Variants in PTPN4 observed in about 807,000 individuals in gnomAD.
The protein encoded by PTPN4 is protein tyrosine phosphatase non-receptor type 4, also known as tyrosine-protein phosphatase non-receptor type 4.
A neutral mutation model predicts 135.5 loss-of-function variants in PTPN4; 49 were observed. The ratio of observed to expected loss-of-function variants is 0.36; its 90% CI spans 0.29 to 0.46. The LOEUF (loss-of-function observed/expected upper bound fraction) is 0.46. Among genes scored for constraint, PTPN4 ranks in the 20% least tolerant of loss-of-function variants. PTPN4 has a pLI of 1.00. For missense variants in PTPN4, 860 were observed against 1,101.0 expected (o/e 0.78, Z 3.10); for synonymous variants, 333 against 369.9 (o/e 0.90, Z 1.14).
chr2:119,946,452 T>C (rs1274830571), intron 17 of PTPN4, 28 bp downstream of exon 17: 1 of 1,591,130 alleles, frequency 6.3e-7, no homozygotes, highest in South Asian at 1.1e-5. Flanking sequence ...TTATACTCAG[T>C]TTTTAAATTA....
chr2:119,873,564 C>T lies in PTPN4; in HGVS notation c.247-3759C>T, dbSNP rs541412954. 1.8e-4 allele frequency among the ~76,000 whole-genome samples: 27 copies of T among 152,132 alleles called. No individual in the cohort carries two copies. The South Asian group carries it at 4.8e-3, about 27-fold the overall frequency. On this transcript the variant is annotated intron_variant, in intron 3 of 26. Coordinates refer to ENST00000263708, the MANE Select transcript of PTPN4 (RefSeq NM_002830.4). ...TAGAAACCATGAGTCATCAGGTAAC[C>T]GATTAGCAATGTCTAATCGCTTTGA...
rs70949378 is a variant in PTPN4, at chr2:119,973,655, G to GTTTTTTTTTTTTTTTT, written c.2695-3317_2695-3302dup. Among the ~76,000 whole-genome samples the GTTTTTTTTTTTTTTTT allele has an allele frequency of 1.6e-3, 62 of 38,392 alleles. 14 individuals are homozygous for GTTTTTTTTTTTTTTTT. The highest frequency in any genetic ancestry group is 4.4e-3 in the East Asian group (4 of 910). 25.2% of individuals were successfully genotyped at this position (38,392 alleles called of 152,430 possible). A position where few individuals can be genotyped will look rare whatever the true frequency, so the allele number is the denominator to read the frequency against. The stretch of plus-strand genomic sequence containing the variant: ...TTGAAAGCTTCCTCCTTCATTTCTT[G>GTTTTTTTTTTTTTTTT]TTTTTTTTTTTTTTTTTTTTTTTTT... On this transcript the variant is annotated intron_variant, in intron 26 of 26. Coordinates refer to ENST00000263708, the MANE Select transcript of PTPN4 (RefSeq NM_002830.4).
intron 26 of PTPN4, among the ~76,000 whole-genome samples, chr2:119,969,552 CTTTTTTTTTTTT>C (rs35531556): frequency 7.8e-4 from 89 of 113,876 alleles, no homozygotes; most frequent in Non-Finnish European, 1.3e-3. Flanking sequence ...TAATCAATTT[CTTTTTTTTTTTT>C]TTTTTTTTTT....
intron 1 of PTPN4, among the ~76,000 whole-genome samples, chr2:119,798,605 T>G (rs891163003): frequency 6.6e-6 from 1 of 152,194 alleles, no homozygotes; most frequent in East Asian, 1.9e-4. Flanking sequence ...CTCCAGAAAT[T>G]AAGAATTACT....
At chr2:119,900,848 AC>A in intron 10 of PTPN4, 42 bp downstream of exon 10, 1 of 1,149,952 alleles carries the variant, frequency 8.7e-7, no homozygotes, top group East Asian at 2.5e-5. Flanking sequence ...CCACTGTATT[AC>A]TAAATATAAT....
At chr2:119,827,647 A>G (rs1025718030) in intron 2 of PTPN4, among the ~76,000 whole-genome samples, 5 of 152,218 alleles carry the variant, frequency 3.3e-5, no homozygotes, top group Admixed American at 6.5e-5. Context: ...TCGAGATAAT[A>G]GAATATTACC....
chr2:119,842,096 A>T (rs535005270), intron 2 of PTPN4, among the ~76,000 whole-genome samples: 1 of 152,338 alleles, frequency 6.6e-6, no homozygotes, highest in African/African-American at 2.4e-5. Context: ...GTAGATTTTA[A>T]TCTGTTATGC....
intron 15 of PTPN4, among the ~76,000 whole-genome samples, chr2:119,936,373 C>G (rs1447975269): frequency 2.0e-5 from 3 of 152,112 alleles, no homozygotes; most frequent in Non-Finnish European, 4.4e-5. Context: ...GTGTCCTCAC[C>G]CAGATCTCAC....
rs34265631 is a variant in PTPN4 at position 119,760,017 on chromosome 2, C to T, written c.-385C>T. 0.67 allele frequency: 257,191 copies of T among 381,314 alleles called. 89,443 individuals are homozygous for T. The highest frequency in any genetic ancestry group is 0.84 in the East Asian group (22,204 of 26,566). The allele number at this position is 381,314 out of a possible 1,614,324, so 23.6% of individuals were successfully genotyped here. A position where few individuals can be genotyped will look rare whatever the true frequency, so the allele number is the denominator to read the frequency against. ...TCTCAGGACTCCTGGGTCCCAGGGG[C>T]CGGAATTGGGCCTGAGCGGGAGAGG... On this transcript the variant is annotated 5_prime_UTR_variant, in exon 1 of 27. Transcript: ENST00000263708.
At chr2:119,967,800 G>C in intron 25 of PTPN4, 37 bp from the exon 26 acceptor site, 1 of 1,522,832 alleles carries the variant, frequency 6.6e-7, no homozygotes, top group Non-Finnish European at 8.9e-7. Flanking sequence ...TAACAGAATA[G>C]TATCGGTAAG....
Position 119,893,889 on chromosome 2 carries a change from G to A in PTPN4, c.676-6829G>A, listed in dbSNP as rs1045528394. The stretch of plus-strand genomic sequence containing the variant: ...TTGGAGGTGCAGTGATGGCCAAAGA[G>A]TGATGAGAGAATATGAAAAAAAAAA... On this transcript the variant is annotated intron_variant, in intron 9 of 26. Transcript: ENST00000263708. 2.6e-5 allele frequency among the ~76,000 whole-genome samples: 4 copies of A among 151,930 alleles called. No homozygotes were observed. In the East Asian group the frequency reaches 5.8e-4, roughly 22 times the overall value.
intron 1 of PTPN4, among the ~76,000 whole-genome samples, chr2:119,779,015 G>A (rs1005473848): frequency 2.0e-5 from 3 of 152,168 alleles, no homozygotes; most frequent in African/African-American, 7.2e-5. Flanking sequence ...TAAGTACAGA[G>A]AGAGAAATTT....
rs186052236 is a variant in PTPN4 at position 119,905,696 on chromosome 2, A to G, written c.764+4890A>G. On this transcript the variant is annotated intron_variant, in intron 10 of 26. Transcript: ENST00000263708. ...CCTCAGCACGTGAAACACTCTTCAGAAAAGACCATATGTTAGGCCACAAAA... is the reference window on the plus strand; with the variant it reads ...CCTCAGCACGTGAAACACTCTTCAGGAAAGACCATATGTTAGGCCACAAAA... Among the ~76,000 whole-genome samples the G allele has an allele frequency of 1.9e-3, 288 of 152,340 alleles. 1 individual carries two copies. The highest frequency in any genetic ancestry group is 3.0e-3 in the Non-Finnish European group (207 of 68,024).
intron 9 of PTPN4, among the ~76,000 whole-genome samples, chr2:119,897,489 A>C (rs1678342011): frequency 6.6e-6 from 1 of 152,198 alleles, no homozygotes; most frequent in African/African-American, 2.4e-5. Flanking sequence ...GATACACAGA[A>C]TATTTTGGTT....
chr2:119,936,442 G>A (rs192384800), intron 15 of PTPN4, among the ~76,000 whole-genome samples: 7 of 152,214 alleles, frequency 4.6e-5, no homozygotes, highest in Admixed American at 6.5e-5. Context: ...TTGAATCATG[G>A]GGGTCATTTC....
chr2:119,821,277 G>T (rs1677065046), intron 2 of PTPN4, among the ~76,000 whole-genome samples: 1 of 151,812 alleles, frequency 6.6e-6, no homozygotes, highest in African/African-American at 2.4e-5. Context: ...ATTTTTAGTA[G>T]AGATGAGGTT....
chr2:119,863,999 A>C (rs555173954), intron 3 of PTPN4, among the ~76,000 whole-genome samples: 5 of 152,158 alleles, frequency 3.3e-5, no homozygotes, highest in Non-Finnish European at 7.4e-5. Flanking sequence ...TTCAAGTGCA[A>C]AGGTTGAGGA....
chr2:119,840,782 T>G (rs1423875358), intron 2 of PTPN4, among the ~76,000 whole-genome samples: 1 of 152,252 alleles, frequency 6.6e-6, no homozygotes, highest in Non-Finnish European at 1.5e-5. Context: ...ATAGCCATTC[T>G]GACTGGTGTG....
chr2:119,969,198 A>G (rs1049048599), intron 26 of PTPN4, among the ~76,000 whole-genome samples: 12 of 151,976 alleles, frequency 7.9e-5, no homozygotes, highest in Admixed American at 7.9e-4. Flanking sequence ...TTTTTTGTAG[A>G]GAGGGGATCT....
Sources: allele counts gnomAD v4.1 joint callset (sites outside exome capture counted in the v4.1 genomes callset), GRCh38; gene constraint gnomAD v4.1.1; transcripts MANE v1.5; gene names NCBI Gene and HGNC (gene_info 2026-07-23, HGNC 2026-07-21).